The following DOP1A variants were observed in gnomAD, a reference collection of about 807,000 sequenced individuals.
The protein encoded by DOP1A is DOP1 leucine zipper like protein A.
Under a neutral mutation model 267.6 loss-of-function variants are expected in DOP1A, and 90 were observed. The observed-to-expected ratio is 0.34, with a 90% CI of 0.28 to 0.40. The LOEUF is 0.40. Ranked by LOEUF, DOP1A falls within the 10% of genes least tolerant of loss-of-function variation. The pLI is 1.00. For missense variants in DOP1A, 2,437 were observed against 2,900.4 expected (o/e 0.84, Z 3.67); for synonymous variants, 932 against 999.1 (o/e 0.93, Z 1.27).
At position 83,138,328 on chromosome 6, in the gene DOP1A, C is replaced by T. The variant is rs1167744457; in HGVS notation, c.4286C>T (p.Ser1429Phe). The T allele has an allele frequency of 1.2e-6, 2 of 1,612,020 alleles. No individual in the cohort carries two copies. Among genetic ancestry groups the T allele is most frequent in the Non-Finnish European group, 1.7e-6 (2 of 1,179,920 alleles). Reference sequence around the variant, plus strand: ...AATCTATTGGCCAGACACCGGATTTCTGTTATGGGCAAAGATTTTTATAGT... The same window carrying T: ...AATCTATTGGCCAGACACCGGATTTTTGTTATGGGCAAAGATTTTTATAGT... ...LQNLLARHRI[S>F]VMGKDFYSHI... The change falls in exon 21 of 39, where the codon TCT (serine) becomes TTT (phenylalanine). Residue 1429 changes from serine to phenylalanine, a missense_variant. By Grantham distance (155) the Ser-to-Phe change is radical. Transcript: ENST00000349129.
At chr6:83,134,798 A>C (rs1446972466) in intron 19 of DOP1A, among the ~76,000 whole-genome samples, 1 of 152,070 alleles carries the variant, frequency 6.6e-6, no homozygotes, top group African/African-American at 2.4e-5. Context: ...ATCTGCATTA[A>C]ATTCCAAGGA....
At position 83,091,567 on chromosome 6, in the gene DOP1A, C is replaced by T. The variant is rs1770410630; in HGVS notation, c.-146-5164C>T. Among the ~76,000 whole-genome samples the T allele has an allele frequency of 5.3e-5, 8 of 152,214 alleles. 1 individual carries two copies. The South Asian group carries it at 1.7e-3, about 32-fold the overall frequency. ...ATGCATACAAGAGTTATAAGCCTTA[C>T]AGACATAGCTGGTCATTATTAATTG... On this transcript the variant is annotated intron_variant, in intron 1 of 38. Coordinates refer to ENST00000349129, the MANE Select transcript of DOP1A (RefSeq NM_015018.4).
At chr6:83,087,260 A>T (rs1582883103) in intron 1 of DOP1A, among the ~76,000 whole-genome samples, 1 of 152,176 alleles carries the variant, frequency 6.6e-6, no homozygotes, top group East Asian at 1.9e-4. Context: ...TTGAGAAGAG[A>T]AGGTATGAAA....
At chr6:83,122,826 T>C in intron 11 of DOP1A, 37 bp from the exon 12 acceptor site, 2 of 1,384,630 alleles carry the variant, frequency 1.4e-6, no homozygotes, top group Non-Finnish European at 1.9e-6. Context: ...CAAATGTTAA[T>C]ATTTTTTAGT....
At chr6:83,150,838 A>G (rs988488449) in intron 27 of DOP1A, among the ~76,000 whole-genome samples, 1 of 152,192 alleles carries the variant, frequency 6.6e-6, no homozygotes, top group Non-Finnish European at 1.5e-5. Context: ...ACATAGAAAA[A>G]TACACAAATA....
At chr6:83,068,212 G>T (rs1029700350) in intron 1 of DOP1A, among the ~76,000 whole-genome samples, 1 of 152,232 alleles carries the variant, frequency 6.6e-6, no homozygotes, top group Non-Finnish European at 1.5e-5. Context: ...CTTCTCGGCT[G>T]GTGGGTTCTT....
At chr6:83,090,834 T>C (rs140141412) in intron 1 of DOP1A, among the ~76,000 whole-genome samples, 1,610 of 152,246 alleles carry the variant, frequency 0.011, 36 homozygotes, top group African/African-American at 0.036. Context: ...CTTAAAATGG[T>C]GTATCTTTAC....
At chr6:83,073,302 G>C (rs916138162) in intron 1 of DOP1A, among the ~76,000 whole-genome samples, 1 of 152,104 alleles carries the variant, frequency 6.6e-6, no homozygotes, top group African/African-American at 2.4e-5. Context: ...TGGCCAGGCT[G>C]GTCTCTATCT....
chr6:83,091,492 A>C (rs1460507745), intron 1 of DOP1A, among the ~76,000 whole-genome samples: 1 of 152,206 alleles, frequency 6.6e-6, no homozygotes, highest in African/African-American at 2.4e-5. Context: ...TTGCCTAAAA[A>C]AAAGTAAGAA....
intron 1 of DOP1A, among the ~76,000 whole-genome samples, chr6:83,074,100 A>G (rs970756975): frequency 5.3e-5 from 8 of 152,180 alleles, no homozygotes; most frequent in Admixed American, 1.3e-4. Flanking sequence ...AACAGTACCT[A>G]TTTACTCAGT....
At chr6:83,151,067 C>T (rs73749718) in intron 27 of DOP1A, among the ~76,000 whole-genome samples, 2,832 of 152,242 alleles carry the variant, frequency 0.019, 97 homozygotes, top group African/African-American at 0.064. Context: ...GTGTCGGCTT[C>T]TTTTGTTCAA....
chr6:83,070,495 A>G (rs945472196), intron 1 of DOP1A, among the ~76,000 whole-genome samples: 8 of 152,198 alleles, frequency 5.3e-5, no homozygotes, highest in Admixed American at 1.3e-4. Flanking sequence ...GTACATTTCA[A>G]TAAGTTTTAG....
intron 15 of DOP1A, among the ~76,000 whole-genome samples, chr6:83,127,086 G>A (rs561262330): frequency 1.3e-5 from 2 of 152,034 alleles, no homozygotes; most frequent in Non-Finnish European, 2.9e-5. Context: ...GCAAAAACCC[G>A]AAAAGACATA....
intron 37 of DOP1A, among the ~76,000 whole-genome samples, chr6:83,161,690 CCTTTTA>C (rs1214874514): frequency 2.6e-5 from 4 of 152,044 alleles, no homozygotes; most frequent in African/African-American, 4.8e-5. Context: ...AAGTTGCTTT[CCTTTTA>C]CTTTTAGTAA....
downstream of DOP1A, chr6:83,169,149 T>C: frequency 6.4e-7 from 1 of 1,563,306 alleles, no homozygotes; most frequent in Non-Finnish European, 8.7e-7. Context: ...ATTATGATTA[T>C]AAATCTCTTA....
At chr6:83,074,828 T>C (rs1204259371) in intron 1 of DOP1A, among the ~76,000 whole-genome samples, 2 of 152,188 alleles carry the variant, frequency 1.3e-5, no homozygotes, top group African/African-American at 4.8e-5. Flanking sequence ...CCCAACACTT[T>C]GGAAGGCCAA....
chr6:83,116,026 T>C (rs962624751), intron 7 of DOP1A, among the ~76,000 whole-genome samples: 7 of 152,200 alleles, frequency 4.6e-5, no homozygotes, highest in Admixed American at 4.6e-4. Flanking sequence ...CAAAAATCTT[T>C]TGCTTGTATT....
intron 1 of DOP1A, among the ~76,000 whole-genome samples, chr6:83,083,791 C>T (rs1015771381): frequency 4.6e-5 from 7 of 152,110 alleles, no homozygotes; most frequent in African/African-American, 1.7e-4. Flanking sequence ...TGGCTGTTTG[C>T]CATTTGAAGC....
Position 83,096,713 on chromosome 6 carries a change from C to A in DOP1A, c.-146-18C>A, listed in dbSNP as rs1341167690. 9.8e-6 allele frequency: 4 copies of A among 409,602 alleles called. No individual in the cohort carries two copies. The highest frequency in any genetic ancestry group is 1.2e-4 in the South Asian group (1 of 8,686). The allele number at this position is 409,602 out of a possible 1,614,324, so 25.4% of individuals were successfully genotyped here. A position where few individuals can be genotyped will look rare whatever the true frequency, so the allele number is the denominator to read the frequency against. On this transcript the variant is annotated intron_variant, in intron 1 of 38. Transcript: ENST00000349129. Reference sequence around the variant, plus strand: ...CTTTTACTTACTAAATTTTCACAGTCATTTTTCCAATTCCTAGGAAGGAAC... The same window carrying A: ...CTTTTACTTACTAAATTTTCACAGTAATTTTTCCAATTCCTAGGAAGGAAC...
Sources: allele counts gnomAD v4.1 joint callset (sites outside exome capture counted in the v4.1 genomes callset), GRCh38; gene constraint gnomAD v4.1.1; transcripts MANE v1.5; gene names NCBI Gene and HGNC (gene_info 2026-07-23, HGNC 2026-07-21).